The following TVP23A variants were observed in gnomAD, a reference collection of about 807,000 sequenced individuals.
TVP23A encodes the protein trans-golgi network vesicle protein 23 homolog A.
TVP23A carries 21 observed loss-of-function variants against 31.7 expected under a neutral mutation model. The observed-to-expected ratio is 0.66, with a 90% CI of 0.47 to 0.95. The LOEUF is 0.95. Ranked by LOEUF, TVP23A falls within the 40% of genes least tolerant of loss-of-function variation. The pLI, the probability that TVP23A is intolerant of heterozygous loss-of-function variation, is 0.00. For synonymous variants in TVP23A, 104 were observed against 96.0 expected (o/e 1.08, Z -0.49); for missense variants, 279 against 255.6 (o/e 1.09, Z -0.62).
chr16:10,803,600 C>T lies in TVP23A; in HGVS notation c.89+14503G>A, dbSNP rs1266257723. Among the ~76,000 whole-genome samples the T allele has an allele frequency of 3.3e-5, 5 of 152,278 alleles. No individual in the cohort carries two copies. In the South Asian group the frequency reaches 6.2e-4, roughly 19 times the overall value. ...ACCACTGTCTAATGAGAATGGCCAA[C>T]GGTGCAGGGTCCCATCAGCTGGTCC... On this transcript the variant is annotated intron_variant, in intron 2 of 7. Coordinates refer to ENST00000299866, the MANE Select transcript of TVP23A (RefSeq NM_001079512.4).
At chr16:10,775,168 T>A in intron 2 of TVP23A, 72 bp from the exon 3 acceptor site, 1 of 1,531,082 alleles carries the variant, frequency 6.5e-7, no homozygotes, top group Admixed American at 2.1e-5. Flanking sequence ...CTTTACCACT[T>A]CAGACTTTGC....
Position 10,766,759 on chromosome 16 carries a change from A to G in TVP23A, c.*2343T>C, listed in dbSNP as rs542852688. 3 of 396,192 alleles carry G rather than the reference A, an allele frequency of 7.6e-6. No homozygotes were observed. Among genetic ancestry groups the G allele is most frequent in the South Asian group, 2.9e-4 (2 of 6,990 alleles). The allele number at this position is 396,192 out of a possible 1,614,324, so 24.5% of individuals were successfully genotyped here. A position where few individuals can be genotyped will look rare whatever the true frequency, so the allele number is the denominator to read the frequency against. On this transcript the variant is annotated 3_prime_UTR_variant, in exon 8 of 8. Transcript: ENST00000299866. This position sits in a 1 kb window ranked among gnomAD's most constrained non-coding sequence, Gnocchi z 4.8. The stretch of plus-strand genomic sequence containing the variant: ...GAACGGGCCTGAGAATAGGGGCTCA[A>G]AGGCCCCATTACAGAGTTTTTGTGT...
chr16:10,806,679 T>G (rs950464255), intron 2 of TVP23A, among the ~76,000 whole-genome samples: 2 of 152,010 alleles, frequency 1.3e-5, no homozygotes, highest in African/African-American at 4.8e-5. Context: ...TTTTTTGTAT[T>G]TTAGTAGAGA....
intron 4 of TVP23A, 121 bp from the exon 5 acceptor site, chr16:10,773,562 G>C (rs1433101754): frequency 4.7e-6 from 6 of 1,281,294 alleles, no homozygotes; most frequent in Non-Finnish European, 6.3e-6. Context: ...TTTTGTTGTT[G>C]GTGTTGTTTT....
intron 2 of TVP23A, among the ~76,000 whole-genome samples, chr16:10,782,739 A>T (rs988999837): frequency 6.6e-6 from 1 of 152,100 alleles, no homozygotes. Context: ...CCTGGGCTCA[A>T]GCTGTCCTCC....
downstream of TVP23A, chr16:10,758,005 C>T (rs1900679894): frequency 6.2e-7 from 1 of 1,613,878 alleles, no homozygotes; most frequent in African/African-American, 1.3e-5. Flanking sequence ...ATCGATGGAG[C>T]AGTGATCATC....
intron 2 of TVP23A, among the ~76,000 whole-genome samples, chr16:10,802,935 C>T (rs904975064): frequency 1.3e-5 from 2 of 152,150 alleles, no homozygotes; most frequent in African/African-American, 4.8e-5. Context: ...ATGGTCAACA[C>T]ATAAACGTTT....
intron 2 of TVP23A, among the ~76,000 whole-genome samples, chr16:10,781,744 C>T (rs965862713): frequency 6.6e-6 from 1 of 151,318 alleles, no homozygotes; most frequent in African/African-American, 2.4e-5. Context: ...TAGGGAGAGT[C>T]AGGTTGGCAG....
chr16:10,758,006 A>G (rs1437621701), downstream of TVP23A: 3 of 1,613,908 alleles, frequency 1.9e-6, no homozygotes, highest in Non-Finnish European at 2.5e-6. Flanking sequence ...TCGATGGAGC[A>G]GTGATCATCA....
chr16:10,773,484 G>A (rs2031776137), intron 4 of TVP23A, 43 bp from the exon 5 acceptor site: 2 of 1,548,422 alleles, frequency 1.3e-6, no homozygotes, highest in East Asian at 2.3e-5. Context: ...AAGTGGAAAT[G>A]GTTGCAAACG....
intron 2 of TVP23A, among the ~76,000 whole-genome samples, chr16:10,789,764 G>C (rs576708096): frequency 6.7e-6 from 1 of 149,848 alleles, no homozygotes; most frequent in African/African-American, 2.5e-5. Flanking sequence ...CCAAGAGGTA[G>C]AGGTTGCAGT....
chr16:10,771,923 A>T (rs2031656159), intron 5 of TVP23A, 125 bp from the exon 6 acceptor site: 2 of 1,254,146 alleles, frequency 1.6e-6, no homozygotes, highest in Admixed American at 2.2e-5. Flanking sequence ...GGTTCACACC[A>T]TTCTCCTGCC....
intron 2 of TVP23A, among the ~76,000 whole-genome samples, chr16:10,792,351 G>A (rs1448236585): frequency 2.6e-5 from 4 of 152,098 alleles, no homozygotes; most frequent in African/African-American, 9.7e-5. Flanking sequence ...GAACCCCCAG[G>A]TGCCAGGGGA....
Position 10,768,965 on chromosome 16 carries a change from C to A in TVP23A, c.*137G>T. 3 of 1,278,964 alleles carry A rather than the reference C, an allele frequency of 2.3e-6. No homozygotes were observed. Among genetic ancestry groups the A allele is most frequent in the Non-Finnish European group, 3.4e-6 (3 of 883,864 alleles). The allele number at this position is 1,278,964 out of a possible 1,614,324, so 79.2% of individuals were successfully genotyped here. A position where few individuals can be genotyped will look rare whatever the true frequency, so the allele number is the denominator to read the frequency against. ...CCAGAGGATTCCACCCCTGTCAAAA[C>A]ACAGCCCTCCCCAGCACAGGACAGG... On this transcript the variant is annotated 3_prime_UTR_variant, in exon 8 of 8. Transcript: ENST00000299866. The surrounding 1 kb of genome is among the most constrained non-coding windows in gnomAD (Gnocchi z 4.3).
chr16:10,757,981 T>C (rs1900675775), downstream of TVP23A: 1 of 1,614,112 alleles, frequency 6.2e-7, no homozygotes, highest in Non-Finnish European at 8.5e-7. This position sits in a 1 kb window ranked among gnomAD's most constrained non-coding sequence, Gnocchi z 4.1. Flanking sequence ...GTCCGGTACC[T>C]GGCCACAGCA....
Position 10,777,880 on chromosome 16 carries a change from G to A in TVP23A, c.90-2784C>T, listed in dbSNP as rs920070717. On this transcript the variant is annotated intron_variant, in intron 2 of 7. Coordinates refer to ENST00000299866, the MANE Select transcript of TVP23A (RefSeq NM_001079512.4). This position sits in a 1 kb window ranked among gnomAD's most constrained non-coding sequence, Gnocchi z 4.5. ...ACAAAAATTAGCTGAGCGTGGTGGTGGGCGCCTGTAGTCCCAGCTACTCGG... is the reference window on the plus strand; with the variant it reads ...ACAAAAATTAGCTGAGCGTGGTGGTAGGCGCCTGTAGTCCCAGCTACTCGG... Among the ~76,000 whole-genome samples, 7 of 152,104 alleles carry A rather than the reference G, an allele frequency of 4.6e-5. No homozygotes were observed. The East Asian group carries it at 7.7e-4, about 17-fold the overall frequency.
chr16:10,786,655 A>C (rs1213695083), intron 2 of TVP23A, among the ~76,000 whole-genome samples: 14 of 151,848 alleles, frequency 9.2e-5, no homozygotes, highest in Admixed American at 9.2e-4. Context: ...GCTTAAAAAT[A>C]ACCTGAGTGT....
In TVP23A at chr16:10,818,646, G is replaced by A; in HGVS notation, c.-153C>T. On this transcript the variant is annotated 5_prime_UTR_variant, in exon 1 of 8. Transcript: ENST00000299866. This position sits in a 1 kb window ranked among gnomAD's most constrained non-coding sequence, Gnocchi z 4.7. ...CGCCCTGTGGGGCAGCCTCAGCGCA[G>A]CTTCTCGGGTGGGGCGGGGCGCTCG... is the stretch of plus-strand genomic sequence containing the variant. 4 of 974,092 alleles carry A rather than the reference G, an allele frequency of 4.1e-6. No homozygotes were observed. The highest frequency in any genetic ancestry group is 5.7e-6 in the Non-Finnish European group (4 of 705,976). The allele number at this position is 974,092 out of a possible 1,614,324, so 60.3% of individuals were successfully genotyped here.
rs974135724 is a variant in TVP23A, at chr16:10,813,643, T to C, written c.89+4460A>G. ...TCCTTTTTCTAAAACAACACACATA[T>C]GAAACTTAGATAATAGTTTTCAGAG... On this transcript the variant is annotated intron_variant, in intron 2 of 7. Transcript: ENST00000299866. Among the ~76,000 whole-genome samples the C allele has an allele frequency of 2.0e-5, 3 of 152,186 alleles. No homozygotes were observed. In the East Asian group the frequency reaches 5.8e-4, roughly 29 times the overall value.
Sources: allele counts gnomAD v4.1 joint callset (sites outside exome capture counted in the v4.1 genomes callset), GRCh38; gene constraint gnomAD v4.1.1; non-coding constraint Gnocchi (gnomAD v3.1); transcripts MANE v1.5; gene names NCBI Gene and HGNC (gene_info 2026-07-23, HGNC 2026-07-21).